Variants in ZNF385B observed in about 807,000 individuals in gnomAD.
ZNF385B encodes the protein zinc finger protein 385B, also known as zinc finger protein 533.
ZNF385B carries 23 observed loss-of-function variants against 39.2 expected under a neutral mutation model. That is an observed-to-expected ratio of 0.59 (90% CI 0.42 to 0.83). ZNF385B has a LOEUF of 0.83. ZNF385B is among the 40% of genes least tolerant of loss of function. The pLI is 0.00. For missense variants in ZNF385B, 552 were observed against 598.9 expected, an observed-to-expected ratio of 0.92 and a Z score of 0.82; for synonymous variants, 205 against 222.6, an observed-to-expected ratio of 0.92 and a Z score of 0.70.
At chr2:179,791,064 CTTGGTGA>C (rs1705296388) in intron 1 of ZNF385B, among the ~76,000 whole-genome samples, 1 of 152,186 alleles carries the variant, frequency 6.6e-6, no homozygotes, top group Non-Finnish European at 1.5e-5. Context: ...TCTCATCTCA[CTTGGTGA>C]TTGAGTGGGA....
intron 3 of ZNF385B, among the ~76,000 whole-genome samples, chr2:179,629,030 A>C (rs142366715): frequency 6.6e-6 from 1 of 152,174 alleles, no homozygotes; most frequent in Admixed American, 6.5e-5. Flanking sequence ...TATTTTTTTG[A>C]TTATTGGAAA....
At chr2:179,547,718 T>A (rs1350594881) in intron 3 of ZNF385B, among the ~76,000 whole-genome samples, 1 of 149,690 alleles carries the variant, frequency 6.7e-6, no homozygotes, top group Non-Finnish European at 1.5e-5. Flanking sequence ...TGCTTCCATA[T>A]ACATTTTAGG....
At chr2:179,607,913 T>G (rs1688953780) in intron 3 of ZNF385B, among the ~76,000 whole-genome samples, 5 of 69,644 alleles carry the variant, frequency 7.2e-5, no homozygotes, top group African/African-American at 2.2e-4. Flanking sequence ...AAACTCTTTT[T>G]TTTTTTTTTT....
chr2:179,793,107 G>A (rs1003516635), intron 1 of ZNF385B, among the ~76,000 whole-genome samples: 4 of 152,114 alleles, frequency 2.6e-5, no homozygotes, highest in African/African-American at 9.7e-5. Context: ...AGCCTTAAAA[G>A]TAAGAATTAA....
chr2:179,841,928 C>T (rs1708556465), intron 1 of ZNF385B, among the ~76,000 whole-genome samples: 1 of 152,146 alleles, frequency 6.6e-6, no homozygotes, highest in South Asian at 2.1e-4. Context: ...ATGACACACT[C>T]CCCACAAATA....
intron 1 of ZNF385B, among the ~76,000 whole-genome samples, chr2:179,840,008 C>T (rs1371047752): frequency 6.6e-6 from 1 of 152,178 alleles, no homozygotes; most frequent in African/African-American, 2.4e-5. Context: ...CAGAGGAATA[C>T]AAAGAGGTCA....
intron 3 of ZNF385B, among the ~76,000 whole-genome samples, chr2:179,609,814 A>G (rs1689139108): frequency 1.3e-5 from 2 of 152,010 alleles, no homozygotes; most frequent in African/African-American, 4.8e-5. Flanking sequence ...CAGTTCTCTG[A>G]TGATCAATGA....
Position 179,446,669 on chromosome 2 carries a change from C to A in ZNF385B, c.817G>T (p.Ala273Ser). The A allele has an allele frequency of 3.1e-6, 5 of 1,613,412 alleles. No individual in the cohort carries two copies. The highest frequency in any genetic ancestry group is 4.2e-6 in the Non-Finnish European group (5 of 1,179,914). The change falls in exon 7 of 10, where the codon GCA (alanine) becomes TCA (serine). Residue 273 changes from alanine (A) to serine (S), a missense_variant. Physicochemically the swap from Ala to Ser is moderately conservative, Grantham distance 99 (BLOSUM62 1). Coordinates refer to ENST00000410066, the MANE Select transcript of ZNF385B (RefSeq NM_152520.6). ...GTGCTCTTGGAGGGAGAAGTGGCTG[C>A]TCCAGGTGGCAGGGGTGTTGTGCCA... ...KSGTTPLPPGAATSPSKSTNG... is the reference protein window; with the variant it reads ...KSGTTPLPPGSATSPSKSTNG...
At chr2:179,493,599 A>T (rs1313087318) in intron 5 of ZNF385B, among the ~76,000 whole-genome samples, 1 of 121,176 alleles carries the variant, frequency 8.3e-6, no homozygotes, top group African/African-American at 3.0e-5. Context: ...ATATATGCGT[A>T]TACATATATG....
intron 3 of ZNF385B, among the ~76,000 whole-genome samples, chr2:179,654,551 T>C (rs1299687712): frequency 1.2e-4 from 18 of 152,144 alleles, no homozygotes; most frequent in African/African-American, 4.3e-4. Flanking sequence ...ACTTTCCCTG[T>C]CTTAACTAAA....
intron 3 of ZNF385B, among the ~76,000 whole-genome samples, chr2:179,600,925 C>T (rs1688361039): frequency 6.6e-6 from 1 of 152,146 alleles, no homozygotes; most frequent in Admixed American, 6.5e-5. Flanking sequence ...ATAATAGCAG[C>T]ATTTAGACTC....
chr2:179,551,124 A>G lies in ZNF385B; in HGVS notation c.299-6155T>C, dbSNP rs139405825. Reference sequence around the variant, plus strand: ...TTCAGAACATAGTATATAATCTGGTATATATCATAATGAATAAAGTCATAA... The same window carrying G: ...TTCAGAACATAGTATATAATCTGGTGTATATCATAATGAATAAAGTCATAA... On this transcript the variant is annotated intron_variant, in intron 3 of 9. Coordinates refer to ENST00000410066, the MANE Select transcript of ZNF385B (RefSeq NM_152520.6). Among the ~76,000 whole-genome samples, 360 of 152,202 alleles carry G rather than the reference A, an allele frequency of 2.4e-3. 3 individuals carry two copies. The highest frequency in any genetic ancestry group is 7.5e-3 in the African/African-American group (312 of 41,556).
intron 1 of ZNF385B, among the ~76,000 whole-genome samples, chr2:179,846,081 C>G (rs958659768): frequency 2.0e-5 from 3 of 152,148 alleles, no homozygotes; most frequent in Non-Finnish European, 4.4e-5. Context: ...CTTGGAGGAG[C>G]TGATGACTTT....
intron 1 of ZNF385B, among the ~76,000 whole-genome samples, chr2:179,792,057 C>CG (rs950029188): frequency 1.3e-5 from 2 of 152,114 alleles, no homozygotes; most frequent in African/African-American, 4.8e-5. Context: ...CCACCGTGCC[C>CG]GGCTTTACTT....
At chr2:179,686,966 T>TG (rs949389964) in intron 3 of ZNF385B, among the ~76,000 whole-genome samples, 48 of 150,212 alleles carry the variant, frequency 3.2e-4, no homozygotes, top group Non-Finnish European at 8.9e-5. Flanking sequence ...TTTGTACTGT[T>TG]TTTTTTTTTT....
intron 3 of ZNF385B, among the ~76,000 whole-genome samples, chr2:179,658,769 T>G (rs1388532220): frequency 1.3e-5 from 2 of 152,226 alleles, no homozygotes; most frequent in African/African-American, 4.8e-5. Context: ...AAACATTCCT[T>G]AAAATAGTTA....
chr2:179,446,327 G>A (rs1051364045), intron 7 of ZNF385B, among the ~76,000 whole-genome samples, 198 bp downstream of exon 7: 5 of 152,156 alleles, frequency 3.3e-5, no homozygotes, highest in Non-Finnish European at 7.3e-5. Context: ...AATAGAACAA[G>A]TTTGATCTCC....
chr2:179,772,182 T>C (rs1704049622), intron 1 of ZNF385B, among the ~76,000 whole-genome samples: 1 of 152,252 alleles, frequency 6.6e-6, no homozygotes, highest in Admixed American at 6.5e-5. Flanking sequence ...CTACTTTTGA[T>C]TTATTTAAAT....
chr2:179,839,788 G>T (rs1296145119), intron 1 of ZNF385B, among the ~76,000 whole-genome samples: 3 of 152,158 alleles, frequency 2.0e-5, no homozygotes, highest in Non-Finnish European at 4.4e-5. Context: ...AAGAGGAGAT[G>T]GTAGTTACTC....
Sources: gnomAD v4.1 joint callset for allele counts (sites outside exome capture counted in the v4.1 genomes callset) on GRCh38, gnomAD v4.1.1 for gene constraint, MANE v1.5 for transcripts, NCBI Gene and HGNC (gene_info 2026-07-23, HGNC 2026-07-21) for gene names.